C19orf12: variants seen among roughly 807,000 people sequenced by gnomAD.
C19orf12 encodes protein C19orf12.
Under a neutral mutation model 3.8 loss-of-function variants are expected in C19orf12, and 2 were observed. The ratio of observed to expected loss-of-function variants is 0.53; its 90% CI spans 0.22 to 1.66. The LOEUF is 1.66. C19orf12 is among the 40% of genes most tolerant of loss of function. The probability of loss-of-function intolerance (pLI) is 0.20; values close to 1 mark genes in which losing one functional copy is unlikely to be tolerated. For missense variants in C19orf12, 156 were observed against 188.8 expected (o/e 0.83, Z 1.02); for synonymous variants, 89 against 84.6 (o/e 1.05, Z -0.28).
Position 29,700,842 on chromosome 19 carries a change from C to A in C19orf12, c.*1870G>T, listed in dbSNP as rs1188670767. 1 of 454,128 alleles carries A rather than the reference C, an allele frequency of 2.2e-6. No individual in the cohort carries two copies. Among genetic ancestry groups the A allele is most frequent in the East Asian group, 6.9e-5 (1 of 14,398 alleles). The allele number at this position is 454,128 out of a possible 1,614,324, so 28.1% of individuals were successfully genotyped here. A position where few individuals can be genotyped will look rare whatever the true frequency, so the allele number is the denominator to read the frequency against. On this transcript the variant is annotated 3_prime_UTR_variant, in exon 3 of 3. Transcript: ENST00000323670. ...AGCTTTCCTATAAGCAGGGCCTCAGCAGAAGTGCCTCCCTCCGAGCCTCCA... is the reference window on the plus strand; with the variant it reads ...AGCTTTCCTATAAGCAGGGCCTCAGAAGAAGTGCCTCCCTCCGAGCCTCCA...
At chr19:29,713,253 TC>T (rs1453787863) in intron 1 of C19orf12, among the ~76,000 whole-genome samples, 4 of 142,676 alleles carry the variant, frequency 2.8e-5, no homozygotes, top group South Asian at 4.8e-4. Flanking sequence ...GGAGTGTGGC[TC>T]CCCCTCCCCC....
At chr19:29,710,655 T>C (rs1972617916) in intron 1 of C19orf12, among the ~76,000 whole-genome samples, 1 of 152,194 alleles carries the variant, frequency 6.6e-6, no homozygotes, top group Non-Finnish European at 1.5e-5. Context: ...GCAGGCCTTG[T>C]GAGCCCTGCT....
chr19:29,703,156 C>T (rs1287694114), intron 2 of C19orf12, among the ~76,000 whole-genome samples, 179 bp from the exon 3 acceptor site: 1 of 152,156 alleles, frequency 6.6e-6, no homozygotes, highest in African/African-American at 2.4e-5. Context: ...AAGGTTTATG[C>T]AGTCTTCTGT....
Position 29,700,380 on chromosome 19 carries a change from C to A in C19orf12, c.*2332G>T, listed in dbSNP as rs1972022251. On this transcript the variant is annotated 3_prime_UTR_variant, in exon 3 of 3. Coordinates refer to ENST00000323670, the MANE Select transcript of C19orf12 (RefSeq NM_031448.6). ...CAAACATCTTTGTTGAGGTTTCATT[C>A]TCACGATATCTGCAAATCAACGTTT... is the stretch of plus-strand genomic sequence containing the variant. 2 of 454,012 alleles carry A rather than the reference C, an allele frequency of 4.4e-6. No homozygotes were observed. Among genetic ancestry groups the A allele is most frequent in the Non-Finnish European group, 8.8e-6 (2 of 226,800 alleles). The allele number at this position is 454,012 out of a possible 1,614,324, so 28.1% of individuals were successfully genotyped here.
At chr19:29,715,363 C>A, upstream of C19orf12, 1 of 392,620 alleles carries the variant, frequency 2.5e-6, no homozygotes, top group Non-Finnish European at 5.1e-6. Context: ...TTAGGGGGAG[C>A]CGGGGGTCGC....
chr19:29,714,169 C>G (rs1972837583), intron 1 of C19orf12, among the ~76,000 whole-genome samples: 1 of 152,222 alleles, frequency 6.6e-6, no homozygotes, highest in African/African-American at 2.4e-5. Context: ...ACTACAGGTG[C>G]TATTCCAAGA....
At chr19:29,714,559 T>G (rs1025278616) in intron 1 of C19orf12, among the ~76,000 whole-genome samples, 11 of 152,250 alleles carry the variant, frequency 7.2e-5, no homozygotes, top group African/African-American at 2.4e-4. Context: ...TTAACGACCC[T>G]TCCTGACCAA....
In C19orf12 at chr19:29,699,943, G is replaced by A. The variant is rs1568321190; in HGVS notation, c.*2769C>T. The A allele has an allele frequency of 1.5e-5, 7 of 453,984 alleles. No homozygotes were observed. The highest frequency in any genetic ancestry group is 3.1e-5 in the Non-Finnish European group (7 of 226,802). The allele number at this position is 453,984 out of a possible 1,614,324, so 28.1% of individuals were successfully genotyped here. On this transcript the variant is annotated 3_prime_UTR_variant, in exon 3 of 3. Transcript: ENST00000323670. ...CAAGAAAAGTGCTTTCGGCTCCTGGGGGAGATAAGACTCCAGGTTCAGGCT... is the reference window on the plus strand; with the variant it reads ...CAAGAAAAGTGCTTTCGGCTCCTGGAGGAGATAAGACTCCAGGTTCAGGCT...
At chr19:29,710,871 C>T (rs1363391932) in intron 1 of C19orf12, among the ~76,000 whole-genome samples, 2 of 152,100 alleles carry the variant, frequency 1.3e-5, no homozygotes, top group African/African-American at 4.8e-5. Flanking sequence ...ATACAAATGT[C>T]TAAACGATAA....
rs538397820 is a variant in C19orf12, at chr19:29,708,162, A to G, written c.160+92T>C. The G allele has an allele frequency of 2.1e-5, 32 of 1,556,786 alleles. No individual in the cohort carries two copies. In the Admixed American group the frequency reaches 5.3e-4, roughly 26 times the overall value. On this transcript the variant is annotated intron_variant, in intron 2 of 2. Coordinates refer to ENST00000323670, the MANE Select transcript of C19orf12 (RefSeq NM_031448.6). ...CCAAAGTGCTGGGATTACAGGCATG[A>G]GCCACACTGTGCCTGGCCTTCTCCC...
chr19:29,703,647 G>T (rs891921307), intron 2 of C19orf12, among the ~76,000 whole-genome samples: 2 of 151,980 alleles, frequency 1.3e-5, no homozygotes, highest in Non-Finnish European at 2.9e-5. Context: ...GCAAAGTGCT[G>T]GGATTATAGG....
At chr19:29,707,233 C>G (rs540545422) in intron 2 of C19orf12, among the ~76,000 whole-genome samples, 1 of 151,964 alleles carries the variant, frequency 6.6e-6, no homozygotes, top group Non-Finnish European at 1.5e-5. Flanking sequence ...GGCACACACC[C>G]GTAGTCCCAG....
chr19:29,700,604 G>A lies in C19orf12; in HGVS notation c.*2108C>T, dbSNP rs1211334870. On this transcript the variant is annotated 3_prime_UTR_variant, in exon 3 of 3. Coordinates refer to ENST00000323670, the MANE Select transcript of C19orf12 (RefSeq NM_031448.6). ...CAGACAACCCCTCCTTCCCACCCCT[G>A]CCCTGTCCCCCATCAACTTAAGTGG... The A allele has an allele frequency of 2.2e-6, 1 of 454,128 alleles. No individual in the cohort carries two copies. The highest frequency in any genetic ancestry group is 2.3e-5 in the Admixed American group (1 of 42,566). The allele number at this position is 454,128 out of a possible 1,614,324, so 28.1% of individuals were successfully genotyped here.
At position 29,708,423 on chromosome 19, in the gene C19orf12, C is replaced by T. The variant is rs1424291552; in HGVS notation, c.-10G>A. The T allele has an allele frequency of 6.2e-7, 1 of 1,613,460 alleles. No homozygotes were observed. The highest frequency in any genetic ancestry group is 8.5e-7 in the Non-Finnish European group (1 of 1,180,018). On this transcript the variant is annotated splice_region_variant and 5_prime_UTR_variant, in exon 2 of 3. Coordinates refer to ENST00000323670, the MANE Select transcript of C19orf12 (RefSeq NM_031448.6). The stretch of plus-strand genomic sequence containing the variant: ...CCACCATGATAGTCATCGTGGCGGG[C>T]CTTCGAGGGAGAAGTTCAGAGGGAC...
chr19:29,709,243 T>A (rs1479286842), intron 1 of C19orf12, among the ~76,000 whole-genome samples: 2 of 151,822 alleles, frequency 1.3e-5, no homozygotes, highest in African/African-American at 4.8e-5. Flanking sequence ...GACGGGCGAG[T>A]AGACCTTTAG....
At chr19:29,715,531 C>T (rs1311309968), upstream of C19orf12, 3 of 287,900 alleles carry the variant, frequency 1.0e-5, no homozygotes, top group East Asian at 3.1e-4. Flanking sequence ...TTCTCCCACG[C>T]GCACGCATGA....
chr19:29,706,183 G>A (rs1475475484), intron 2 of C19orf12, among the ~76,000 whole-genome samples: 1 of 152,216 alleles, frequency 6.6e-6, no homozygotes, highest in Non-Finnish European at 1.5e-5. Context: ...TCTGGGAAGG[G>A]AAAACCAGCT....
rs1972140003 is a variant in C19orf12, at chr19:29,702,438, G to T, written c.*274C>A. 2 of 649,996 alleles carry T rather than the reference G, an allele frequency of 3.1e-6. No individual in the cohort carries two copies. Among genetic ancestry groups the T allele is most frequent in the Non-Finnish European group, 2.8e-6 (1 of 353,420 alleles). 40.3% of individuals were successfully genotyped at this position (649,996 alleles called of 1,614,324 possible). On this transcript the variant is annotated 3_prime_UTR_variant, in exon 3 of 3. Transcript: ENST00000323670. ...GACTCAGCAGACGCCTCCGAAGCCT[G>T]CGGCAGGCAGGCCTTTACTCTTCAC...
chr19:29,708,024 A>G (rs1599545112), intron 2 of C19orf12, among the ~76,000 whole-genome samples: 1 of 151,516 alleles, frequency 6.6e-6, no homozygotes, highest in Admixed American at 6.6e-5. Flanking sequence ...TACACCAGAC[A>G]CCCGCCACCA....
Sources: gnomAD v4.1 joint callset for allele counts (sites outside exome capture counted in the v4.1 genomes callset) on GRCh38, gnomAD v4.1.1 for gene constraint, MANE v1.5 for transcripts, NCBI Gene and HGNC (gene_info 2026-07-23, HGNC 2026-07-21) for gene names.